The following SCMH1 variants were observed in gnomAD, a reference collection of about 807,000 sequenced individuals.
The protein encoded by SCMH1 is Scm polycomb group protein homolog 1.
SCMH1 carries 37 observed loss-of-function variants against 70.8 expected under a neutral mutation model. That is an observed-to-expected ratio of 0.52 (90% CI 0.40 to 0.69). The LOEUF (loss-of-function observed/expected upper bound fraction) is 0.69, where lower values mean the gene tolerates loss of function less well. SCMH1 is among the 30% of genes least tolerant of loss of function. SCMH1 has a pLI of 0.00. For synonymous variants in SCMH1, 292 were observed against 307.4 expected, an observed-to-expected ratio of 0.95 and a Z score of 0.52; for missense variants, 607 against 827.3, an observed-to-expected ratio of 0.73 and a Z score of 3.27.
intron 9 of SCMH1, among the ~76,000 whole-genome samples, chr1:41,071,816 G>A (rs1185531731): frequency 1.3e-5 from 2 of 151,916 alleles, no homozygotes; most frequent in African/African-American, 4.8e-5. Flanking sequence ...GTGTGTGCCA[G>A]CACACATGGC....
At chr1:41,089,787 C>CTCTTTTTTT (rs1240914488) in intron 8 of SCMH1, among the ~76,000 whole-genome samples, 15 of 58,750 alleles carry the variant, frequency 2.6e-4, no homozygotes, top group Admixed American at 4.8e-4. Context: ...CATGTTGTCT[C>CTCTTTTTTT]TTTTTTTTTT....
chr1:41,084,937 T>C (rs1028193995), intron 8 of SCMH1, among the ~76,000 whole-genome samples: 14 of 125,812 alleles, frequency 1.1e-4, no homozygotes, highest in African/African-American at 4.0e-4. Context: ...TGAGAACACA[T>C]GGACACAGGA....
intron 11 of SCMH1, among the ~76,000 whole-genome samples, chr1:41,047,269 T>C (rs1282427734): frequency 6.6e-6 from 1 of 151,584 alleles, no homozygotes; most frequent in Admixed American, 6.6e-5. Flanking sequence ...GGAGAGCAGC[T>C]AAAGAGAGGC....
intron 10 of SCMH1, among the ~76,000 whole-genome samples, chr1:41,055,959 A>C (rs1325693033): frequency 6.6e-6 from 1 of 152,206 alleles, no homozygotes; most frequent in Non-Finnish European, 1.5e-5. Flanking sequence ...TTGCAAGTGG[A>C]AAAAATGTTA....
rs564236775 is a variant in SCMH1 at position 41,119,746 on chromosome 1, T to C, written c.413-2736A>G. On this transcript the variant is annotated intron_variant, in intron 6 of 14. Coordinates refer to ENST00000337495, the Ensembl canonical transcript of SCMH1. ...CTGAGAATAAAGCCAAAGTACAGCA[T>C]GGGATGGAGACACATAATAGTGTTT... 1.2e-4 allele frequency among the ~76,000 whole-genome samples: 19 copies of C among 152,280 alleles called. No individual in the cohort carries two copies. In the East Asian group the frequency reaches 3.7e-3, roughly 29 times the overall value.
intron 10 of SCMH1, among the ~76,000 whole-genome samples, chr1:41,058,972 G>A (rs1651602985): frequency 6.6e-6 from 1 of 152,216 alleles, no homozygotes; most frequent in South Asian, 2.1e-4. Context: ...TGCAGCTGGT[G>A]TGTCCTTGCT....
At chr1:41,239,852 T>C (rs1191438787) in intron 1 of SCMH1, among the ~76,000 whole-genome samples, 3 of 152,172 alleles carry the variant, frequency 2.0e-5, no homozygotes, top group Admixed American at 6.5e-5. Context: ...CCCAGGCTGG[T>C]CCAGAACTCC....
intron 13 of SCMH1, among the ~76,000 whole-genome samples, chr1:41,036,617 A>C (rs1263566980): frequency 1.3e-5 from 2 of 152,166 alleles, no homozygotes; most frequent in East Asian, 3.9e-4. Context: ...TCAATAATCT[A>C]TTCAAAACAA....
intron 2 of SCMH1, among the ~76,000 whole-genome samples, chr1:41,180,017 T>C: frequency 6.6e-6 from 1 of 152,156 alleles, no homozygotes; most frequent in Non-Finnish European, 1.5e-5. Context: ...TTATCCACCA[T>C]GATCAAGTGG....
intron 13 of SCMH1, among the ~76,000 whole-genome samples, 198 bp from the exon 15 acceptor site, chr1:41,028,924 G>T (rs561912995): frequency 6.6e-6 from 1 of 152,276 alleles, no homozygotes; most frequent in East Asian, 1.9e-4. Flanking sequence ...TTTAAGGGTA[G>T]ATCTGATTTT....
chr1:41,084,079 G>A (rs1271883540), intron 8 of SCMH1, among the ~76,000 whole-genome samples: 2 of 152,286 alleles, frequency 1.3e-5, no homozygotes, highest in Non-Finnish European at 2.9e-5. Context: ...AGGACTTCAT[G>A]TCTAAAACAC....
chr1:41,116,928 G>A (rs2147899045), exon 7 of SCMH1: 1 of 1,598,006 alleles, frequency 6.3e-7, no homozygotes, highest in East Asian at 2.3e-5. Flanking sequence ...CTACCTTGTG[G>A]AAAATCCTGA....
Position 41,075,417 on chromosome 1 carries a change from A to G in SCMH1, c.780T>C (p.Asp260=), listed in dbSNP as rs35862202. 1.0e-4 allele frequency: 169 copies of G among 1,614,142 alleles called. No individual in the cohort carries two copies. The African/African-American group carries it at 2.0e-3, about 19-fold the overall frequency. The change falls in exon 9 of 15, where the codon GAT becomes GAC. Residue 260 remains aspartate (D), a synonymous_variant. Coordinates refer to ENST00000337495, the Ensembl canonical transcript of SCMH1. ...GGATGCTGGGCTTCTCAGTATTCAC[A>G]TCGGAGGCAGGATAGGGATTCTTTG...
At chr1:41,034,044 C>G in intron 13 of SCMH1, 1 of 1,608,852 alleles carries the variant, frequency 6.2e-7, no homozygotes, top group Non-Finnish European at 8.5e-7. Context: ...ATCCTTTTAA[C>G]ACTCCTGTGG....
At chr1:41,062,191 C>T (rs1472868747) in intron 10 of SCMH1, among the ~76,000 whole-genome samples, 5 of 151,986 alleles carry the variant, frequency 3.3e-5, no homozygotes, top group Non-Finnish European at 7.4e-5. Context: ...AGAATAATCA[C>T]ACAATGTCTT....
intron 1 of SCMH1, among the ~76,000 whole-genome samples, chr1:41,228,415 A>G (rs1371140793): frequency 6.6e-6 from 1 of 152,222 alleles, no homozygotes; most frequent in Non-Finnish European, 1.5e-5. Context: ...TATGTTACAT[A>G]TATTTTACCA....
chr1:41,160,955 T>C, intron 3 of SCMH1, 57 bp from the exon 4 acceptor site: 3 of 1,483,804 alleles, frequency 2.0e-6, no homozygotes, highest in South Asian at 2.4e-5. Context: ...ACCAACATGA[T>C]GGAAGGTGAA....
chr1:41,052,917 CT>C (rs113009874), intron 10 of SCMH1, among the ~76,000 whole-genome samples: 16 of 134,762 alleles, frequency 1.2e-4, no homozygotes, highest in South Asian at 4.8e-4. Flanking sequence ...AAATTGTAGG[CT>C]TTTTTTTTTT....
At chr1:41,181,303 C>T (rs2148601113) in intron 2 of SCMH1, among the ~76,000 whole-genome samples, 1 of 152,278 alleles carries the variant, frequency 6.6e-6, no homozygotes, top group East Asian at 1.9e-4. Context: ...GACTTCATGT[C>T]TAAAACACCA....
Sources: allele counts gnomAD v4.1 joint callset (sites outside exome capture counted in the v4.1 genomes callset), GRCh38; gene constraint gnomAD v4.1.1; transcripts MANE v1.5; gene names NCBI Gene and HGNC (gene_info 2026-07-23, HGNC 2026-07-21).